Variants in CCAR1 observed in about 807,000 individuals in gnomAD.
CCAR1 encodes the protein cell division cycle and apoptosis regulator protein 1.
CCAR1 carries 78 observed loss-of-function variants against 163.8 expected under a neutral mutation model. That is an observed-to-expected ratio of 0.48 (90% CI 0.40 to 0.57). The LOEUF is 0.57. Ranked by LOEUF, CCAR1 falls within the 20% of genes least tolerant of loss-of-function variation. The probability of loss-of-function intolerance (pLI) is 0.00; values close to 1 mark genes in which losing one functional copy is unlikely to be tolerated. For missense variants in CCAR1, 1,019 were observed against 1,365.2 expected (o/e 0.75, Z 4.00); for synonymous variants, 443 against 460.7 (o/e 0.96, Z 0.49).
At chr10:68,768,702 G>A (rs2056564651) in intron 17 of CCAR1, among the ~76,000 whole-genome samples, 1 of 152,010 alleles carries the variant, frequency 6.6e-6, no homozygotes, top group Non-Finnish European at 1.5e-5. Context: ...AAATACATAG[G>A]CTGGGCACAG....
chr10:68,721,331 C>T (rs1017263236), intron 1 of CCAR1, 49 bp downstream of exon 1: 5 of 234,060 alleles, frequency 2.1e-5, no homozygotes, highest in South Asian at 1.4e-4. Flanking sequence ...CAAGCCGGGT[C>T]TCTTAACATC....
chr10:68,743,522 G>A (rs1183264508), intron 6 of CCAR1, among the ~76,000 whole-genome samples: 1 of 151,498 alleles, frequency 6.6e-6, no homozygotes, highest in Non-Finnish European at 1.5e-5. Flanking sequence ...GTGGAATTTT[G>A]TTTCTTTTTC....
intron 2 of CCAR1, among the ~76,000 whole-genome samples, chr10:68,729,881 C>A (rs770402226): frequency 5.3e-5 from 8 of 151,410 alleles, no homozygotes; most frequent in Admixed American, 1.3e-4. Context: ...CATGTTCTGC[C>A]AGGTTTTGAA....
chr10:68,786,612 C>A lies in CCAR1; in HGVS notation c.2800C>A (p.Gln934Lys). The change falls in exon 21 of 25, where the codon CAA becomes AAA. Residue 934 changes from glutamine to lysine, a missense_variant. Physicochemically the swap from Gln to Lys is moderately conservative, Grantham distance 53. This residue lies in a region of CCAR1 where 358 missense variants were observed against 406.4 expected (regional missense o/e 0.88). Transcript: ENST00000265872. ...GTTAATGGCTTTTGTTTATTTTGAT[C>A]AAAGTCATTGTGGTTACCTTCTTGA... ...DLLMAFVYFD[Q>K]SHCGYLLEKD... 1.2e-6 allele frequency: 2 copies of A among 1,601,742 alleles called. No individual in the cohort carries two copies. Among genetic ancestry groups the A allele is most frequent in the South Asian group, 1.1e-5 (1 of 88,900 alleles).
Position 68,747,147 on chromosome 10 carries a change from T to C in CCAR1, c.519-14T>C. The stretch of plus-strand genomic sequence containing the variant: ...TATTTATATTTAACTTTTTTTTTCT[T>C]TTTTTTTTTACAGTGCTGTCAAAGG... On this transcript the variant is annotated splice_polypyrimidine_tract_variant and intron_variant, in intron 6 of 24. Coordinates refer to ENST00000265872, the MANE Select transcript of CCAR1 (RefSeq NM_018237.4). 2 of 1,292,718 alleles carry C rather than the reference T, an allele frequency of 1.5e-6. No homozygotes were observed. Among genetic ancestry groups the C allele is most frequent in the Non-Finnish European group, 1.1e-6 (1 of 937,428 alleles). The allele number at this position is 1,292,718 out of a possible 1,614,324, so 80.1% of individuals were successfully genotyped here.
At chr10:68,783,333 CT>C (rs1564552966) in intron 19 of CCAR1, among the ~76,000 whole-genome samples, 1 of 151,922 alleles carries the variant, frequency 6.6e-6, no homozygotes, top group Non-Finnish European at 1.5e-5. Flanking sequence ...ACCACCACGC[CT>C]GGCTAATTTT....
chr10:68,732,943 C>G (rs2056060638), intron 2 of CCAR1, among the ~76,000 whole-genome samples: 1 of 152,142 alleles, frequency 6.6e-6, no homozygotes, highest in Non-Finnish European at 1.5e-5. Context: ...ATAATAGAAC[C>G]TGTGCCCTAC....
rs1341309708 is a variant in CCAR1 at position 68,749,644 on chromosome 10, TC to T, written c.1079del (p.Pro360HisfsTer12). The T allele has an allele frequency of 1.2e-6, 2 of 1,613,976 alleles. No homozygotes were observed. ...CACCTCGGAGAGTTCGACGTGTTGT[TC>T]CACGTTACACAGTTCAGTTTTCAAA... is the stretch of plus-strand genomic sequence containing the variant. ...RSPRRVRRVV[P>X]RYTVQFSKFS... On this transcript the variant is annotated frameshift_variant, in exon 10 of 25. Coordinates refer to ENST00000265872, the MANE Select transcript of CCAR1 (RefSeq NM_018237.4).
At chr10:68,767,270 A>G (rs2056547498) in intron 17 of CCAR1, among the ~76,000 whole-genome samples, 1 of 152,056 alleles carries the variant, frequency 6.6e-6, no homozygotes, top group Non-Finnish European at 1.5e-5. Flanking sequence ...TCATTATTTT[A>G]TGTATTTATT....
chr10:68,742,336 C>T (rs777578014), intron 5 of CCAR1, 40 bp from the exon 6 acceptor site: 1 of 1,507,590 alleles, frequency 6.6e-7, no homozygotes, highest in East Asian at 2.3e-5. Context: ...TAGATGATTT[C>T]AAATCATTAC....
At chr10:68,783,114 C>T (rs10998431) in intron 19 of CCAR1, among the ~76,000 whole-genome samples, 11,574 of 150,836 alleles carry the variant, frequency 0.077, 1,239 homozygotes, top group African/African-American at 0.24. Context: ...AATTATCTCC[C>T]ACCTCATCCT....
intron 2 of CCAR1, among the ~76,000 whole-genome samples, chr10:68,724,981 A>C (rs2055919937): frequency 6.6e-6 from 1 of 152,104 alleles, no homozygotes; most frequent in South Asian, 2.1e-4. Context: ...TCTACTAAAA[A>C]TACAAAGGTA....
chr10:68,771,059 CAG>C (rs2056596341), intron 17 of CCAR1, 145 bp from the exon 18 acceptor site: 1 of 527,194 alleles, frequency 1.9e-6, no homozygotes, highest in Non-Finnish European at 3.2e-6. Flanking sequence ...GCCTGGGCGA[CAG>C]AGCGAGACTC....
At chr10:68,786,432 G>T (rs2056796195) in intron 20 of CCAR1, 114 bp from the exon 21 acceptor site, 2 of 782,264 alleles carry the variant, frequency 2.6e-6, no homozygotes, top group South Asian at 4.0e-5. Flanking sequence ...GCTAGGATGA[G>T]GCAAATATCT....
intron 6 of CCAR1, among the ~76,000 whole-genome samples, chr10:68,744,477 T>C (rs1335442178): frequency 1.3e-5 from 2 of 152,170 alleles, no homozygotes; most frequent in Non-Finnish European, 2.9e-5. Flanking sequence ...CGCAAAAATA[T>C]TAACATTGAA....
intron 4 of CCAR1, among the ~76,000 whole-genome samples, chr10:68,738,270 C>T (rs370398493): frequency 2.6e-5 from 4 of 151,876 alleles, no homozygotes; most frequent in Non-Finnish European, 4.4e-5. Flanking sequence ...CAAAATTAGC[C>T]GGGTGTGGTG....
intron 2 of CCAR1, among the ~76,000 whole-genome samples, chr10:68,736,201 C>T (rs1184758607): frequency 2.0e-5 from 3 of 151,988 alleles, no homozygotes; most frequent in African/African-American, 4.8e-5. Flanking sequence ...ATGTAAAAAT[C>T]CTATGTATTT....
chr10:68,778,097 T>C (rs566566925), intron 19 of CCAR1, among the ~76,000 whole-genome samples: 2 of 152,126 alleles, frequency 1.3e-5, no homozygotes, highest in Admixed American at 6.5e-5. Flanking sequence ...ATGCCTGTTA[T>C]CCCAGATACT....
intron 23 of CCAR1, among the ~76,000 whole-genome samples, chr10:68,788,549 A>G (rs1314614190): frequency 2.0e-5 from 3 of 152,192 alleles, no homozygotes; most frequent in East Asian, 1.9e-4. Flanking sequence ...CAGTGGCACA[A>G]TCTCAACTTA....
Sources: gnomAD v4.1 joint callset for allele counts (sites outside exome capture counted in the v4.1 genomes callset) on GRCh38, gnomAD v4.1.1 for gene constraint, gnomAD v4.1.1 regional missense constraint, MANE v1.5 for transcripts, NCBI Gene and HGNC (gene_info 2026-07-23, HGNC 2026-07-21) for gene names.